The following PDGFD variants were observed in gnomAD, a reference collection of about 807,000 sequenced individuals.
PDGFD encodes the protein platelet derived growth factor D, also known as platelet-derived growth factor D.
PDGFD carries 30 observed loss-of-function variants against 44.7 expected under a neutral mutation model. That is an observed-to-expected ratio of 0.67 (90% CI 0.50 to 0.91). The LOEUF (loss-of-function observed/expected upper bound fraction) is 0.91, where lower values mean the gene tolerates loss of function less well. Ranked by LOEUF, PDGFD falls within the 40% of genes least tolerant of loss-of-function variation. The pLI, the probability that PDGFD is intolerant of heterozygous loss-of-function variation, is 0.00. For synonymous variants in PDGFD, 173 were observed against 168.4 expected (o/e 1.03, Z -0.21); for missense variants, 445 against 457.8 (o/e 0.97, Z 0.25).
At chr11:103,944,749 C>A (rs1858644344) in intron 4 of PDGFD, among the ~76,000 whole-genome samples, 1 of 152,084 alleles carries the variant, frequency 6.6e-6, no homozygotes, top group Admixed American at 6.6e-5. Context: ...AATCAAGGTC[C>A]AAAGGTTGCT....
intron 5 of PDGFD, among the ~76,000 whole-genome samples, chr11:103,928,530 C>T (rs1029674645): frequency 6.6e-6 from 1 of 152,210 alleles, no homozygotes; most frequent in Non-Finnish European, 1.5e-5. Context: ...ATTGCAGGAA[C>T]AAGTGTGGAC....
At chr11:104,054,068 C>G (rs1591141009) in intron 1 of PDGFD, among the ~76,000 whole-genome samples, 1 of 152,136 alleles carries the variant, frequency 6.6e-6, no homozygotes, top group Admixed American at 6.5e-5. Context: ...AGCACAACAC[C>G]ATGAGGCACA....
intron 1 of PDGFD, among the ~76,000 whole-genome samples, chr11:104,021,723 T>C (rs1859957143): frequency 6.6e-6 from 1 of 152,206 alleles, no homozygotes; most frequent in South Asian, 2.1e-4. Flanking sequence ...AAATGATTTC[T>C]GTTTTAAGCC....
At chr11:104,028,724 T>A in intron 1 of PDGFD, among the ~76,000 whole-genome samples, 1 of 150,042 alleles carries the variant, frequency 6.7e-6, no homozygotes, top group East Asian at 1.9e-4. Context: ...AGTAAGAACA[T>A]GAAATAAAAC....
At chr11:104,155,286 T>C (rs932897230) in intron 1 of PDGFD, among the ~76,000 whole-genome samples, 1 of 152,232 alleles carries the variant, frequency 6.6e-6, no homozygotes. Flanking sequence ...CTTTCCTTTA[T>C]GGCTCAAGGT....
intron 1 of PDGFD, among the ~76,000 whole-genome samples, chr11:104,133,894 G>A (rs1861961576): frequency 6.6e-6 from 1 of 152,032 alleles, no homozygotes; most frequent in African/African-American, 2.4e-5. Flanking sequence ...TCATTTACCA[G>A]GGACATGATA....
intron 1 of PDGFD, among the ~76,000 whole-genome samples, chr11:104,147,359 G>A (rs1862179251): frequency 6.6e-6 from 1 of 151,986 alleles, no homozygotes; most frequent in Non-Finnish European, 1.5e-5. Flanking sequence ...AATCCAATAA[G>A]GTATTTCCAA....
intron 1 of PDGFD, among the ~76,000 whole-genome samples, chr11:104,122,939 G>T (rs1464475208): frequency 6.6e-6 from 1 of 151,914 alleles, no homozygotes; most frequent in Non-Finnish European, 1.5e-5. Context: ...TAAGGACGAG[G>T]ATTATTGATG....
intron 1 of PDGFD, among the ~76,000 whole-genome samples, chr11:104,003,838 G>A (rs1359755669): frequency 6.6e-6 from 1 of 152,156 alleles, no homozygotes; most frequent in African/African-American, 2.4e-5. Flanking sequence ...GTGAAGCTTG[G>A]TGCTGGCAGA....
Position 103,920,647 on chromosome 11 carries a change from A to C in PDGFD, c.987+6265T>G, listed in dbSNP as rs1466614647. On this transcript the variant is annotated intron_variant, in intron 6 of 6. Transcript: ENST00000393158. ...TCATCAGGGAAGAAATGTAATCAGA[A>C]CTGAGAAAGCCAGACCAGGCTCTCA... Among the ~76,000 whole-genome samples, 5 of 152,240 alleles carry C rather than the reference A, an allele frequency of 3.3e-5. No individual in the cohort carries two copies. The East Asian group carries it at 9.6e-4, about 29-fold the overall frequency.
intron 6 of PDGFD, among the ~76,000 whole-genome samples, chr11:103,922,824 C>G (rs1354724809): frequency 6.6e-6 from 1 of 152,004 alleles, no homozygotes; most frequent in East Asian, 1.9e-4. Context: ...AAGGGATCAT[C>G]CCACCTTGGC....
At chr11:104,018,145 C>G (rs920249088) in intron 1 of PDGFD, among the ~76,000 whole-genome samples, 1 of 151,992 alleles carries the variant, frequency 6.6e-6, no homozygotes, top group Non-Finnish European at 1.5e-5. Flanking sequence ...ACCCCACCCC[C>G]CTCCACACAC....
chr11:103,974,279 C>T (rs260823), intron 3 of PDGFD, among the ~76,000 whole-genome samples: 75,332 of 151,758 alleles, frequency 0.5, 18,926 homozygotes, highest in South Asian at 0.61. Context: ...CAAACTTCAT[C>T]AAGATGGGAT....
intron 1 of PDGFD, among the ~76,000 whole-genome samples, chr11:104,012,680 C>T (rs910268766): frequency 2.0e-5 from 3 of 152,218 alleles, no homozygotes; most frequent in African/African-American, 7.2e-5. Context: ...ACAGATTATA[C>T]TAGCCTAAAT....
Position 103,984,878 on chromosome 11 carries a change from T to C in PDGFD, c.510+11187A>G, listed in dbSNP as rs1402756391. Among the ~76,000 whole-genome samples the C allele has an allele frequency of 4.3e-5, 6 of 139,578 alleles. 1 individual carries two copies. The highest frequency in any genetic ancestry group is 1.7e-4 in the African/African-American group (6 of 36,190). The allele number at this position is 139,578 out of a possible 152,430, so 91.6% of individuals were successfully genotyped here. A position where few individuals can be genotyped will look rare whatever the true frequency, so the allele number is the denominator to read the frequency against. ...AATACATTAATTTATCTAATATAGT[T>C]ATATTTATTTACTATATAATATATT... On this transcript the variant is annotated intron_variant, in intron 3 of 6. Transcript: ENST00000393158.
In PDGFD at chr11:103,975,547, T is replaced by C. The variant is rs146961846; in HGVS notation, c.510+20518A>G. ...TTTGTTGCCATTGCTTTTGGTGTTT[T>C]AGTCATGAAGTCTTTGCCCATGCCC... On this transcript the variant is annotated intron_variant, in intron 3 of 6. Transcript: ENST00000393158. 7.5e-3 allele frequency among the ~76,000 whole-genome samples: 1,136 copies of C among 152,362 alleles called. 8 individuals carry two copies. The highest frequency in any genetic ancestry group is 0.015 in the Admixed American group (231 of 15,306).
At chr11:104,091,572 G>A (rs905525230) in intron 1 of PDGFD, among the ~76,000 whole-genome samples, 2 of 152,174 alleles carry the variant, frequency 1.3e-5, no homozygotes, top group Non-Finnish European at 2.9e-5. Flanking sequence ...GGGAAAGGCT[G>A]ACAAGCTGTC....
intron 1 of PDGFD, among the ~76,000 whole-genome samples, chr11:104,083,037 C>T (rs1022086295): frequency 6.6e-6 from 1 of 152,188 alleles, no homozygotes; most frequent in Non-Finnish European, 1.5e-5. Context: ...TCAAAATCTT[C>T]TTTTTGTTAG....
intron 1 of PDGFD, among the ~76,000 whole-genome samples, chr11:104,138,356 A>G (rs1014101827): frequency 6.6e-6 from 1 of 152,212 alleles, no homozygotes; most frequent in Non-Finnish European, 1.5e-5. Context: ...TTGGCATCAC[A>G]AAAGATTTCA....
Sources: allele counts gnomAD v4.1 joint callset (sites outside exome capture counted in the v4.1 genomes callset), GRCh38; gene constraint gnomAD v4.1.1; transcripts MANE v1.5; gene names NCBI Gene and HGNC (gene_info 2026-07-23, HGNC 2026-07-21).